TTN: variants seen among roughly 807,000 people sequenced by gnomAD.
TTN encodes the protein connectin.
A neutral mutation model predicts 3,223.0 loss-of-function variants in TTN; 1,525 were observed. The observed-to-expected ratio is 0.47, with a 90% CI of 0.45 to 0.49. TTN has a LOEUF of 0.49. Among genes scored for constraint, TTN ranks in the 20% least tolerant of loss-of-function variants. TTN has a pLI of 0.00. For synonymous variants in TTN, 14,094 were observed against 15,161.0 expected (o/e 0.93, Z 5.17); for missense variants, 40,786 against 43,424.0 (o/e 0.94, Z 5.40).
In TTN at chr2:178,723,223, T is replaced by C; in HGVS notation, c.21784A>G (p.Thr7262Ala). ...TYTGTLPISV[T>A]WKKDGFNITT... is the part of the protein sequence containing the mutation. ...ATGTTAAAACCATCCTTTTTCCAAG[T>C]GACAGAAATTGGAAGTGTTCCAGTG... Residue 7262 changes from threonine to alanine, a missense_variant, in exon 75 of 363, where the codon ACT (threonine) becomes GCT (alanine). Thr to Ala is a moderately conservative substitution (Grantham distance 58). Coordinates refer to ENST00000589042, the MANE Select transcript of TTN (RefSeq NM_001267550.2). 1.2e-6 allele frequency: 2 copies of C among 1,613,478 alleles called. No homozygotes were observed. The highest frequency in any genetic ancestry group is 2.2e-5 in the South Asian group (2 of 91,070).
chr2:178,603,302 G>T (rs1015140931), intron 282 of TTN, among the ~76,000 whole-genome samples: 2 of 151,866 alleles, frequency 1.3e-5, no homozygotes, highest in Non-Finnish European at 2.9e-5. Flanking sequence ...CTTCTATAGA[G>T]AATCTAATCA....
chr2:178,532,105 A>C lies in TTN; in HGVS notation c.104510T>G (p.Leu34837Arg). 2 of 1,613,988 alleles carry C rather than the reference A, an allele frequency of 1.2e-6. No individual in the cohort carries two copies. The highest frequency in any genetic ancestry group is 1.7e-6 in the Non-Finnish European group (2 of 1,179,864). Residue 34837 changes from leucine (L) to arginine (R), a missense_variant, in exon 358 of 363, where the codon CTG becomes CGG. By Grantham distance (102) the Leu-to-Arg change is moderately radical. Transcript: ENST00000589042. Reference sequence around the variant, plus strand: ...TGGAGACAGGGAGCGCCGTCGTCTCAGTAGTCTAGACGCAGATGAGGATGA... The same window carrying C: ...TGGAGACAGGGAGCGCCGTCGTCTCCGTAGTCTAGACGCAGATGAGGATGA... ...RESSSSASRL[L>R]RRRRSLSPTY...
chr2:178,649,763 G>C, intron 211 of TTN, 54 bp downstream of exon 211: 1 of 1,571,296 alleles, frequency 6.4e-7, no homozygotes, highest in Non-Finnish European at 8.7e-7. Context: ...ACAATAAGAA[G>C]AGTGTAAAAT....
rs1311857097 is a variant in TTN at position 178,730,937 on chromosome 2, T to C, written c.17728A>G (p.Ile5910Val). Residue 5910 changes from isoleucine to valine, a missense_variant, in exon 60 of 363, where the codon ATT (isoleucine) becomes GTT (valine). Coordinates refer to ENST00000589042, the MANE Select transcript of TTN (RefSeq NM_001267550.2). ...DVGRSSCKAR[I>V]NVLDLIIPPS... The stretch of plus-strand genomic sequence containing the variant: ...GAACAATACCAACCTAATACATTAA[T>C]TCTAGCCTTGCAGCTGCTCCTCCCA... 5.0e-6 allele frequency: 8 copies of C among 1,604,430 alleles called. No homozygotes were observed.
At chr2:178,644,024 A>C (rs1460632409) in intron 218 of TTN, among the ~76,000 whole-genome samples, 1 of 151,998 alleles carries the variant, frequency 6.6e-6, no homozygotes, top group Non-Finnish European at 1.5e-5. Flanking sequence ...AGTAATAAGG[A>C]AATTTTTCTG....
Position 178,618,871 on chromosome 2 carries a change from A to T in TTN, c.46697-18T>A. On this transcript the variant is annotated intron_variant, in intron 250 of 362. Transcript: ENST00000589042. ...TGGTGCAGCTAGTGAGAAAGATAAC[A>T]TGTGAACGCTTTCGACTATTAAACG... 6.2e-7 allele frequency: 1 copy of T among 1,603,714 alleles called. No homozygotes were observed. The highest frequency in any genetic ancestry group is 8.5e-7 in the Non-Finnish European group (1 of 1,177,076).
intron 344 of TTN, 103 bp from the exon 345 acceptor site, chr2:178,544,609 C>A: frequency 2.2e-6 from 2 of 914,572 alleles, no homozygotes; most frequent in South Asian, 1.7e-5. Flanking sequence ...TTGCTCTTGT[C>A]CACACTCACC....
intron 217 of TTN, 25 bp from the exon 218 acceptor site, chr2:178,644,641 T>C (rs1483604038): frequency 1.6e-5 from 24 of 1,501,490 alleles, no homozygotes; most frequent in Non-Finnish European, 2.1e-5. Flanking sequence ...ATTTTACTTT[T>C]GTTATTTGTA....
In TTN at chr2:178,680,935, C is replaced by G. The variant is rs2069226589; in HGVS notation, c.33340+144G>C. ...CTTTTAAAGGCATTATCTTCTTATCCTGTATTTACACATTTTTACATCCAA... is the reference window on the plus strand; with the variant it reads ...CTTTTAAAGGCATTATCTTCTTATCGTGTATTTACACATTTTTACATCCAA... On this transcript the variant is annotated intron_variant, in intron 138 of 362. Transcript: ENST00000589042. 1.2e-5 allele frequency: 9 copies of G among 735,258 alleles called. No homozygotes were observed. In the South Asian group the frequency reaches 2.0e-4, roughly 16 times the overall value. The allele number at this position is 735,258 out of a possible 1,614,324, so 45.5% of individuals were successfully genotyped here. A position where few individuals can be genotyped will look rare whatever the true frequency, so the allele number is the denominator to read the frequency against.
chr2:178,545,569 A>C lies in TTN; in HGVS notation c.95541T>G (p.Arg31847=), dbSNP rs749477738. 4.2e-5 allele frequency: 67 copies of C among 1,613,570 alleles called. No individual in the cohort carries two copies. The highest frequency in any genetic ancestry group is 5.3e-5 in the Non-Finnish European group (63 of 1,179,718). The change falls in exon 344 of 363, where the codon CGT becomes CGG. Residue 31847 remains arginine, a synonymous_variant. Transcript: ENST00000589042. ...GTGTCCAGCGCAGGCTCTTCTTCTCACGTTTGTCTACTAGGTAGTTGCTGA... is the reference window on the plus strand; with the variant it reads ...GTGTCCAGCGCAGGCTCTTCTTCTCCCGTTTGTCTACTAGGTAGTTGCTGA... ...NEISNYLVDK[R]EKKSLRWTRV... is the part of the protein sequence containing the mutation.
At position 178,554,964 on chromosome 2, in the gene TTN, G is replaced by A. The variant is rs968816753; in HGVS notation, c.88495C>T (p.Leu29499Phe). Residue 29499 changes from leucine to phenylalanine, a missense_variant, in exon 331 of 363, where the codon CTC becomes TTC. By Grantham distance (22) the Leu-to-Phe change is conservative. Transcript: ENST00000589042. ...TTAAGGCGATCGGCATCTTTGATGA[G>A]TATAGATGCGAGGTCCGTGGTATTT... ...VENTTDLASI[L>F]IKDADRLNSG... 6.2e-7 allele frequency: 1 copy of A among 1,613,664 alleles called. No individual in the cohort carries two copies. Among genetic ancestry groups the A allele is most frequent in the Non-Finnish European group, 8.5e-7 (1 of 1,179,748 alleles).
At position 178,653,110 on chromosome 2, in the gene TTN, T is replaced by A; in HGVS notation, c.38806A>T (p.Lys12936Ter). The A allele has an allele frequency of 6.2e-7, 1 of 1,612,764 alleles. No homozygotes were observed. The highest frequency in any genetic ancestry group is 8.5e-7 in the Non-Finnish European group (1 of 1,179,400). ...VPPVKVPEAP[K>*]EVVPEKKVPV... is the part of the protein sequence containing the mutation. ...ACTTTCTTTTCAGGAACAACTTCTT[T>A]GGGAGCCTCTGGCACTTAAAAGATA... Residue 12936 changes from lysine (K) to a stop codon, truncating the protein, a stop_gained, in exon 199 of 363, where the codon AAA (lysine) becomes TAA (stop). Transcript: ENST00000589042. LOFTEE classifies it high-confidence loss of function.
chr2:178,543,717 T>C lies in TTN; in HGVS notation c.96311-55A>G, dbSNP rs566919702. The stretch of plus-strand genomic sequence containing the variant: ...CCTATTTGCCTGATAGCTTTTTTTT[T>C]CTTGGGGAAATATAATCAACATAGT... On this transcript the variant is annotated intron_variant, in intron 346 of 362. Transcript: ENST00000589042. 2.6e-5 allele frequency: 39 copies of C among 1,518,650 alleles called. No homozygotes were observed. The East Asian group carries it at 4.8e-4, about 19-fold the overall frequency. 94.1% of individuals were successfully genotyped at this position (1,518,650 alleles called of 1,614,324 possible).
At position 178,552,247 on chromosome 2, in the gene TTN, G is replaced by A. The variant is rs2154151142; in HGVS notation, c.90653C>T (p.Thr30218Ile). 6.2e-7 allele frequency: 1 copy of A among 1,613,484 alleles called. No individual in the cohort carries two copies. Reference protein sequence around the residue: ...NAVCRIAVPITVITLGPPSKP... With the variant: ...NAVCRIAVPIIVITLGPPSKP... Reference sequence around the variant, plus strand: ...TGATGGTGGGCCAAGGGTGATGACTGTAATGGGGACTGCAATTCTACACAC... The same window carrying A: ...TGATGGTGGGCCAAGGGTGATGACTATAATGGGGACTGCAATTCTACACAC... The change falls in exon 335 of 363, where the codon ACA becomes ATA. Residue 30218 changes from threonine to isoleucine, a missense_variant. Physicochemically the swap from Thr to Ile is moderately conservative, Grantham distance 89. Transcript: ENST00000589042.
At position 178,542,815 on chromosome 2, in the gene TTN, G is replaced by C; in HGVS notation, c.97039C>G (p.Leu32347Val). ...AASWFFAGSK[L>V]RESERVTVET... Reference sequence around the variant, plus strand: ...ACTGTGACACGCTCTGATTCTCTCAGTTTAGAACCAGCAAAGAACCAGGAA... The same window carrying C: ...ACTGTGACACGCTCTGATTCTCTCACTTTAGAACCAGCAAAGAACCAGGAA... The change falls in exon 348 of 363, where the codon CTG becomes GTG. Residue 32347 changes from leucine to valine, a missense_variant. By Grantham distance (32) the Leu-to-Val change is conservative. Transcript: ENST00000589042. 1 of 1,613,718 alleles carries C rather than the reference G, an allele frequency of 6.2e-7. No homozygotes were observed. The highest frequency in any genetic ancestry group is 8.5e-7 in the Non-Finnish European group (1 of 1,179,756).
chr2:178,717,045 A>G, intron 88 of TTN, 50 bp downstream of exon 88: 1 of 1,550,268 alleles, frequency 6.5e-7, no homozygotes, highest in Non-Finnish European at 8.7e-7. Context: ...CCTATATTTT[A>G]AGATACTGAA....
Position 178,581,651 on chromosome 2 carries a change from C to T in TTN, c.66617G>A (p.Cys22206Tyr). 4 of 1,612,780 alleles carry T rather than the reference C, an allele frequency of 2.5e-6. No individual in the cohort carries two copies. Among genetic ancestry groups the T allele is most frequent in the Non-Finnish European group, 3.4e-6 (4 of 1,179,286 alleles). ...KRADSDNWVRCNLPQNLQKTR... is the reference protein window; with the variant it reads ...KRADSDNWVRYNLPQNLQKTR... ...TTTCTGTAGATTCTGTGGTAAGTTG[C>T]ACCTCACCCAGTTATCGGAGTCAGC... The change falls in exon 316 of 363, where the codon TGC becomes TAC. Residue 22206 changes from cysteine (C) to tyrosine (Y), a missense_variant. Cys to Tyr is a radical substitution (Grantham distance 194). Coordinates refer to ENST00000589042, the MANE Select transcript of TTN (RefSeq NM_001267550.2).
At chr2:178,592,336 T>A (rs1359811708) in intron 301 of TTN, 43 bp downstream of exon 301, 2 of 1,597,318 alleles carry the variant, frequency 1.3e-6, no homozygotes, top group East Asian at 4.5e-5. Context: ...AGCTCAAAAT[T>A]ATCAAAATTT....
At position 178,619,699 on chromosome 2, in the gene TTN, C is replaced by CA; in HGVS notation, c.46617dup (p.Asp15540Ter). ...TCACCCTGGTCACGGGGCTTAATAT[C>CA]ACAAATCTGTAGTCGATGTATCTTT... is the stretch of plus-strand genomic sequence containing the variant. On this transcript the variant is annotated frameshift_variant, in exon 250 of 363. Coordinates refer to ENST00000589042, the MANE Select transcript of TTN (RefSeq NM_001267550.2). LOFTEE classifies it high-confidence loss of function. 1 of 1,612,300 alleles carries CA rather than the reference C, an allele frequency of 6.2e-7. No homozygotes were observed. The highest frequency in any genetic ancestry group is 8.5e-7 in the Non-Finnish European group (1 of 1,178,888).
Sources: gnomAD v4.1 joint callset for allele counts (sites outside exome capture counted in the v4.1 genomes callset) on GRCh38, gnomAD v4.1.1 for gene constraint, MANE v1.5 for transcripts, NCBI Gene and HGNC (gene_info 2026-07-23, HGNC 2026-07-21) for gene names.